The following USP32 variants were observed in gnomAD, a reference collection of about 807,000 sequenced individuals.
USP32 encodes the protein ubiquitin carboxyl-terminal hydrolase 32.
In USP32, 59 loss-of-function variants were observed where a neutral mutation model predicts 204.8. The observed-to-expected ratio is 0.29, with a 90% CI of 0.23 to 0.36. USP32 has a LOEUF of 0.36. USP32 is among the 10% of genes least tolerant of loss of function. The pLI, the probability that USP32 is intolerant of heterozygous loss-of-function variation, is 1.00. For missense variants in USP32, 1,160 were observed against 1,946.4 expected (o/e 0.60, Z 7.60); for synonymous variants, 517 against 678.4 (o/e 0.76, Z 3.70).
chr17:60,202,443 T>TCTCA (rs1555582936), intron 26 of USP32, among the ~76,000 whole-genome samples: 8 of 140,656 alleles, frequency 5.7e-5, no homozygotes, highest in Non-Finnish European at 1.2e-4. Context: ...GCTTATCAAA[T>TCTCA]CACACACACA....
intron 12 of USP32, among the ~76,000 whole-genome samples, chr17:60,228,663 AT>A (rs2085463425): frequency 6.6e-6 from 1 of 151,828 alleles, no homozygotes; most frequent in South Asian, 2.1e-4. Context: ...ACAAAAAAAT[AT>A]TAAAAAAAAA....
rs531781229 is a variant in USP32, at chr17:60,381,102, G to A, written c.58+10780C>T. On this transcript the variant is annotated intron_variant, in intron 1 of 33. Coordinates refer to ENST00000300896, the MANE Select transcript of USP32 (RefSeq NM_032582.4). ...GTATTCTGTCAGCTTTCTCCTTTAA[G>A]GAGAAAGCACAGCAGCACTAGGTAG... is the stretch of plus-strand genomic sequence containing the variant. Among the ~76,000 whole-genome samples, 271 of 152,282 alleles carry A rather than the reference G, an allele frequency of 1.8e-3. 3 individuals are homozygous for A. The highest frequency in any genetic ancestry group is 9.8e-4 in the Non-Finnish European group (67 of 68,038).
At chr17:60,347,301 C>T (rs1366306460) in intron 1 of USP32, among the ~76,000 whole-genome samples, 1 of 151,484 alleles carries the variant, frequency 6.6e-6, no homozygotes, top group Non-Finnish European at 1.5e-5. Context: ...TTGCCTGCCT[C>T]ATCCTCCCAA....
chr17:60,419,038 C>A (rs1017957993), intron 1 of USP32, among the ~76,000 whole-genome samples: 1 of 152,186 alleles, frequency 6.6e-6, no homozygotes, highest in African/African-American at 2.4e-5. Context: ...GAATATAAAT[C>A]ATTCTACCAT....
At chr17:60,347,973 T>A (rs957828766) in intron 1 of USP32, among the ~76,000 whole-genome samples, 2 of 151,674 alleles carry the variant, frequency 1.3e-5, no homozygotes, top group Non-Finnish European at 2.9e-5. Context: ...ATACAAAAAA[T>A]TAGCCAGGCC....
At chr17:60,355,737 A>G (rs1199208584) in intron 1 of USP32, among the ~76,000 whole-genome samples, 1 of 151,324 alleles carries the variant, frequency 6.6e-6, no homozygotes, top group Non-Finnish European at 1.5e-5. Flanking sequence ...TCAGGAGACT[A>G]AGGTGGGAGG....
intron 33 of USP32, 49 bp from the exon 34 acceptor site, chr17:60,179,477 T>A (rs1221855626): frequency 1.9e-6 from 3 of 1,596,470 alleles, no homozygotes; most frequent in Non-Finnish European, 2.6e-6. Flanking sequence ...CTACTATGGC[T>A]CTAAATCCTT....
At position 60,198,426 on chromosome 17, in the gene USP32, A is replaced by T; in HGVS notation, c.3268T>A (p.Phe1090Ile). The T allele has an allele frequency of 6.2e-7, 1 of 1,614,180 alleles. No individual in the cohort carries two copies. ...HRKMMRTELY[F>I]LSSQKNRPSL... is the part of the protein sequence containing the mutation. ...GGGCGATTCTTCTGAGATGACAGGAAATACAGTTCTGTCCTCATCTGTATG... is the reference window on the plus strand; with the variant it reads ...GGGCGATTCTTCTGAGATGACAGGATATACAGTTCTGTCCTCATCTGTATG... The change falls in exon 27 of 34, where the codon TTC becomes ATC. Residue 1090 changes from phenylalanine to isoleucine, a missense_variant. Phe to Ile is a conservative substitution (Grantham distance 21). Around this residue, in one of 8 missense-constraint regions of USP32, gnomAD observed 160 missense variants for 322.5 expected, o/e 0.50. Coordinates refer to ENST00000300896, the MANE Select transcript of USP32 (RefSeq NM_032582.4).
At chr17:60,327,533 G>A (rs906985123) in intron 2 of USP32, among the ~76,000 whole-genome samples, 7 of 116,616 alleles carry the variant, frequency 6.0e-5, no homozygotes, top group Non-Finnish European at 1.2e-4. Context: ...GAGCCCGCCC[G>A]CCAGCAGAAG....
chr17:60,180,567 C>T lies in USP32; in HGVS notation c.4619G>A (p.Cys1540Tyr). 1 of 1,613,742 alleles carries T rather than the reference C, an allele frequency of 6.2e-7. No homozygotes were observed. Among genetic ancestry groups the T allele is most frequent in the Non-Finnish European group, 8.5e-7 (1 of 1,179,730 alleles). ...TACCTTACAGCTGCTGTCATTGTAA[C>T]AGTACCACTTGCAGTTTGGGTTTTT... The part of the protein sequence containing the change: ...YAKNPNCKWY[C>Y]YNDSSCKELH... The change falls in exon 33 of 34, where the codon TGT becomes TAT. Residue 1540 changes from cysteine to tyrosine, a missense_variant. This residue lies in a region of USP32 where 244 missense variants were observed against 342.3 expected (regional missense o/e 0.71). Coordinates refer to ENST00000300896, the MANE Select transcript of USP32 (RefSeq NM_032582.4).
chr17:60,177,887 C>T lies in USP32; in HGVS notation c.*1368G>A, dbSNP rs1263123306. Among the ~76,000 whole-genome samples the T allele has an allele frequency of 6.6e-6, 1 of 152,092 alleles. No individual in the cohort carries two copies. The highest frequency in any genetic ancestry group is 1.5e-5 in the Non-Finnish European group (1 of 68,004). ...GAATCTGACAATTAATGAGAATCAACTTGCAGGGTCTAAATGAATAAACAA... is the reference window on the plus strand; with the variant it reads ...GAATCTGACAATTAATGAGAATCAATTTGCAGGGTCTAAATGAATAAACAA... On this transcript the variant is annotated 3_prime_UTR_variant, in exon 34 of 34. Transcript: ENST00000300896.
chr17:60,199,375 T>G (rs971557477), intron 26 of USP32, among the ~76,000 whole-genome samples: 1 of 152,194 alleles, frequency 6.6e-6, no homozygotes, highest in Non-Finnish European at 1.5e-5. Flanking sequence ...AAATTTGCTT[T>G]GAGTACGTTA....
At chr17:60,206,082 G>A (rs1443131320) in intron 25 of USP32, among the ~76,000 whole-genome samples, 2 of 151,436 alleles carry the variant, frequency 1.3e-5, no homozygotes, top group Non-Finnish European at 2.9e-5. Context: ...CACTTTGGGA[G>A]GCTGAGGTAG....
intron 1 of USP32, among the ~76,000 whole-genome samples, chr17:60,411,054 C>T (rs2090014327): frequency 6.6e-6 from 1 of 150,428 alleles, no homozygotes; most frequent in Non-Finnish European, 1.5e-5. Context: ...CCAGGCCAGG[C>T]ACGGTGGCTC....
In USP32 at chr17:60,178,606, A is replaced by G. The variant is rs1464991387; in HGVS notation, c.*649T>C. Among the ~76,000 whole-genome samples the G allele has an allele frequency of 6.6e-6, 1 of 152,210 alleles. No individual in the cohort carries two copies. The highest frequency in any genetic ancestry group is 1.5e-5 in the Non-Finnish European group (1 of 68,040). ...CAGCTCTTAAGAGAGCCTCCCTTTC[A>G]GACTGACCACTATATGCCCCTGCCA... On this transcript the variant is annotated 3_prime_UTR_variant, in exon 34 of 34. Transcript: ENST00000300896.
intron 2 of USP32, among the ~76,000 whole-genome samples, chr17:60,302,429 G>T (rs1179824244): frequency 6.6e-6 from 1 of 152,202 alleles, no homozygotes; most frequent in African/African-American, 2.4e-5. Flanking sequence ...TTATAGGCAT[G>T]AGCCACCGCG....
At chr17:60,236,325 A>T in intron 11 of USP32, 85 bp from the exon 12 acceptor site, 1 of 1,143,680 alleles carries the variant, frequency 8.7e-7, no homozygotes, top group South Asian at 1.3e-5. Context: ...AAGTTTTATA[A>T]GGAAAACCGC....
At chr17:60,245,125 T>C (rs908775948) in intron 11 of USP32, among the ~76,000 whole-genome samples, 1 of 152,226 alleles carries the variant, frequency 6.6e-6, no homozygotes, top group African/African-American at 2.4e-5. Context: ...ATTATTGTCA[T>C]GTAAAAATGT....
intron 12 of USP32, among the ~76,000 whole-genome samples, chr17:60,228,608 G>A (rs2085461261): frequency 1.3e-5 from 2 of 150,426 alleles, no homozygotes; most frequent in Admixed American, 1.3e-4. Context: ...TTGAGCTCAG[G>A]AGAGTTGGAG....
Sources: gnomAD v4.1 joint callset for allele counts (sites outside exome capture counted in the v4.1 genomes callset) on GRCh38, gnomAD v4.1.1 for gene constraint, gnomAD v4.1.1 regional missense constraint, MANE v1.5 for transcripts, NCBI Gene and HGNC (gene_info 2026-07-23, HGNC 2026-07-21) for gene names.